The following CACNG2 variants were observed in gnomAD, a reference collection of about 807,000 sequenced individuals.
The protein encoded by CACNG2 is voltage-dependent calcium channel gamma-2 subunit.
A neutral mutation model predicts 25.9 loss-of-function variants in CACNG2; 3 were observed. The observed-to-expected ratio is 0.12, with a 90% CI of 0.05 to 0.30. The LOEUF is 0.30. Among genes scored for constraint, CACNG2 ranks in the 10% least tolerant of loss-of-function variants. CACNG2 has a pLI of 1.00. For missense variants in CACNG2, 341 were observed against 432.5 expected, an observed-to-expected ratio of 0.79 and a Z score of 1.88; for synonymous variants, 167 against 173.3, an observed-to-expected ratio of 0.96 and a Z score of 0.29.
intron 1 of CACNG2, among the ~76,000 whole-genome samples, chr22:36,652,557 T>C (rs1936635734): frequency 1.3e-5 from 2 of 152,198 alleles, no homozygotes; most frequent in South Asian, 2.1e-4. Context: ...AAATCTCCCA[T>C]GATCCACTGT....
intron 2 of CACNG2, among the ~76,000 whole-genome samples, chr22:36,574,033 G>A (rs1439815975): frequency 6.6e-6 from 1 of 152,146 alleles, no homozygotes; most frequent in Non-Finnish European, 1.5e-5. Context: ...AGGAGCCAGT[G>A]GAGGAGTGTG....
At chr22:36,638,955 C>T (rs776845295) in intron 1 of CACNG2, among the ~76,000 whole-genome samples, 32 of 152,306 alleles carry the variant, frequency 2.1e-4, no homozygotes, top group Non-Finnish European at 3.5e-4. Flanking sequence ...GAGTCATTCC[C>T]ATCAATATTT....
chr22:36,580,610 C>T (rs1383689906), intron 2 of CACNG2, among the ~76,000 whole-genome samples: 2 of 152,122 alleles, frequency 1.3e-5, no homozygotes, highest in African/African-American at 2.4e-5. Context: ...CAGCCCTGGG[C>T]CCCTCACCCA....
intron 1 of CACNG2, among the ~76,000 whole-genome samples, chr22:36,624,093 C>T (rs369099684): frequency 1.3e-5 from 2 of 152,154 alleles, no homozygotes; most frequent in Admixed American, 6.5e-5. Context: ...AGAGAGGGGA[C>T]CTTGTTGCCT....
chr22:36,637,890 C>T (rs1220688341), intron 1 of CACNG2, among the ~76,000 whole-genome samples: 1 of 152,004 alleles, frequency 6.6e-6, no homozygotes, highest in Non-Finnish European at 1.5e-5. Context: ...GGCATGGTGG[C>T]AGACACCTGT....
At chr22:36,600,065 A>T (rs537628299) in intron 1 of CACNG2, among the ~76,000 whole-genome samples, 2 of 152,076 alleles carry the variant, frequency 1.3e-5, no homozygotes, top group African/African-American at 4.8e-5. Context: ...TGGCAAGTGG[A>T]CTAAGGAGCT....
At position 36,564,370 on chromosome 22, in the gene CACNG2, C is replaced by T; in HGVS notation, c.953G>A (p.Arg318His). Residue 318 changes from arginine (R) to histidine (H), a missense_variant, in exon 4 of 4, where the codon CGC (arginine) becomes CAC (histidine). Arg to His is a conservative substitution (Grantham distance 29, BLOSUM62 0). Transcript: ENST00000300105. This position sits in a 1 kb window ranked among gnomAD's most constrained non-coding sequence, Gnocchi z 6.7. Reference protein sequence around the residue: ...KDSLHSNTANRRTTPV With the variant: ...KDSLHSNTANHRTTPV Reference sequence around the variant, plus strand: ...CGGTCTTTATACGGGGGTGGTCCGGCGGTTGGCTGTGTTGGAGTGGAGAGA... The same window carrying T: ...CGGTCTTTATACGGGGGTGGTCCGGTGGTTGGCTGTGTTGGAGTGGAGAGA... 6.2e-7 allele frequency: 1 copy of T among 1,613,740 alleles called. No homozygotes were observed.
chr22:36,687,765 G>C (rs1937220428), intron 1 of CACNG2, among the ~76,000 whole-genome samples: 1 of 152,104 alleles, frequency 6.6e-6, no homozygotes, highest in Non-Finnish European at 1.5e-5. Flanking sequence ...GGTGTGAGGG[G>C]GGAAGCAGGA....
intron 1 of CACNG2, among the ~76,000 whole-genome samples, chr22:36,659,920 G>A (rs950691928): frequency 5.3e-5 from 8 of 151,884 alleles, no homozygotes; most frequent in South Asian, 4.2e-4. Context: ...TGACTCATTC[G>A]CCTTGGCTCC....
In CACNG2 at chr22:36,562,426, A is replaced by C. The variant is rs764975190; in HGVS notation, c.*1925T>G. On this transcript the variant is annotated 3_prime_UTR_variant, in exon 4 of 4. Coordinates refer to ENST00000300105, the MANE Select transcript of CACNG2 (RefSeq NM_006078.5). ...CATGCAGCAAGGAATTCCGGAATCCAGTCCTGGATTCTAGACGGGTGCCCT... is the reference window on the plus strand; with the variant it reads ...CATGCAGCAAGGAATTCCGGAATCCCGTCCTGGATTCTAGACGGGTGCCCT... The C allele has an allele frequency of 6.6e-6, 1 of 151,660 alleles. No homozygotes were observed. Among genetic ancestry groups the C allele is most frequent in the Non-Finnish European group, 1.5e-5 (1 of 67,980 alleles). The allele number at this position is 151,660 out of a possible 1,614,324, so 9.4% of individuals were successfully genotyped here.
intron 1 of CACNG2, among the ~76,000 whole-genome samples, chr22:36,596,343 C>G (rs1243429899): frequency 6.6e-6 from 1 of 152,242 alleles, no homozygotes. Flanking sequence ...GGCTGGAACC[C>G]CAGCCCCCTG....
At chr22:36,686,448 C>G (rs546463290) in intron 1 of CACNG2, among the ~76,000 whole-genome samples, 1 of 152,250 alleles carries the variant, frequency 6.6e-6, no homozygotes, top group East Asian at 1.9e-4. Context: ...GATAGGGGAG[C>G]CCGGAGCTCC....
At chr22:36,579,013 T>C (rs1480651585) in intron 2 of CACNG2, among the ~76,000 whole-genome samples, 4 of 152,126 alleles carry the variant, frequency 2.6e-5, no homozygotes, top group Non-Finnish European at 5.9e-5. Context: ...ATTCCCAGCC[T>C]CAGAGAAGGG....
At chr22:36,590,028 G>A (rs1935562633) in intron 1 of CACNG2, among the ~76,000 whole-genome samples, 1 of 152,222 alleles carries the variant, frequency 6.6e-6, no homozygotes, top group Non-Finnish European at 1.5e-5. Flanking sequence ...GGCTCAGAGA[G>A]CAGTACTGAC....
rs185765327 is a variant in CACNG2, at chr22:36,615,117, G to T, written c.212-27569C>A. The stretch of plus-strand genomic sequence containing the variant: ...CATCCAGGGCTTTGGCTTGCACCAG[G>T]TGCCCAGTAAATGTCTGGAGAATAA... On this transcript the variant is annotated intron_variant, in intron 1 of 3. Transcript: ENST00000300105. 6.6e-5 allele frequency among the ~76,000 whole-genome samples: 10 copies of T among 152,292 alleles called. No individual in the cohort carries two copies. In the East Asian group the frequency reaches 9.6e-4, roughly 15 times the overall value.
chr22:36,692,957 C>T (rs1937284302), intron 1 of CACNG2, among the ~76,000 whole-genome samples: 1 of 152,214 alleles, frequency 6.6e-6, no homozygotes, highest in African/African-American at 2.4e-5. Flanking sequence ...ACCAGCCTGG[C>T]CAACATGGCA....
chr22:36,653,331 A>C (rs142120928), intron 1 of CACNG2, among the ~76,000 whole-genome samples: 1,778 of 152,208 alleles, frequency 0.012, 17 homozygotes, highest in Non-Finnish European at 0.014. Flanking sequence ...TCTCAAAAAA[A>C]CAAAAGAAAA....
At chr22:36,685,974 G>T (rs898250599) in intron 1 of CACNG2, among the ~76,000 whole-genome samples, 3 of 152,212 alleles carry the variant, frequency 2.0e-5, no homozygotes, top group Non-Finnish European at 4.4e-5. Context: ...GTGCCGGACA[G>T]CCGGTCACAG....
At chr22:36,577,243 T>C (rs992429325) in intron 2 of CACNG2, among the ~76,000 whole-genome samples, 3 of 152,142 alleles carry the variant, frequency 2.0e-5, no homozygotes, top group African/African-American at 7.2e-5. Context: ...GCGGAGCAAA[T>C]TGTTGCTGTC....
Sources: allele counts gnomAD v4.1 joint callset (sites outside exome capture counted in the v4.1 genomes callset), GRCh38; gene constraint gnomAD v4.1.1; non-coding constraint Gnocchi (gnomAD v3.1); transcripts MANE v1.5; gene names NCBI Gene and HGNC (gene_info 2026-07-23, HGNC 2026-07-21).